The following BET1 variants were observed in gnomAD, a reference collection of about 807,000 sequenced individuals.
BET1 encodes the protein Bet1 golgi vesicular membrane trafficking protein.
In BET1, 9 loss-of-function variants were observed where a neutral mutation model predicts 13.9. That is an observed-to-expected ratio of 0.65 (90% CI 0.39 to 1.13). BET1 has a LOEUF of 1.13. Ranked by LOEUF, BET1 falls within the 50% of genes most tolerant of loss-of-function variation. The pLI, the probability that BET1 is intolerant of heterozygous loss-of-function variation, is 0.01. For synonymous variants in BET1, 39 were observed against 47.3 expected, an observed-to-expected ratio of 0.82 and a Z score of 0.72; for missense variants, 127 against 133.6, an observed-to-expected ratio of 0.95 and a Z score of 0.24.
chr7:93,972,856 T>C (rs1031787604), intron 5 of BET1, among the ~76,000 whole-genome samples: 2 of 151,456 alleles, frequency 1.3e-5, no homozygotes, highest in African/African-American at 4.9e-5. Context: ...TTTTTTTTTT[T>C]CTTCTATCAT....
chr7:93,985,227 C>CTA (rs1795503513), intron 4 of BET1, among the ~76,000 whole-genome samples: 1 of 152,136 alleles, frequency 6.6e-6, no homozygotes, highest in Non-Finnish European at 1.5e-5. Flanking sequence ...GGAAGACTTT[C>CTA]TATAAAGTTT....
chr7:93,967,338 T>C (rs1172893256), intron 6 of BET1, among the ~76,000 whole-genome samples: 1 of 151,796 alleles, frequency 6.6e-6, no homozygotes, highest in Non-Finnish European at 1.5e-5. Context: ...CACAGTTATT[T>C]ATAATAGTGG....
chr7:93,983,158 G>C (rs1459363633), intron 4 of BET1, among the ~76,000 whole-genome samples: 1 of 152,154 alleles, frequency 6.6e-6, no homozygotes, highest in Admixed American at 6.6e-5. Context: ...CCCATGGCTT[G>C]TTGATTATTT....
At position 93,993,269 on chromosome 7, in the gene BET1, T is replaced by A. The variant is rs945090050; in HGVS notation, c.*961A>T. ...ACACAGTCGACTAATATATTTTATT[T>A]AAAAATTTACTTTTGAAGCCTATAA... On this transcript the variant is annotated 3_prime_UTR_variant, in exon 4 of 4. Transcript: ENST00000222547. 1.1e-6 allele frequency: 1 copy of A among 945,354 alleles called. No individual in the cohort carries two copies. The highest frequency in any genetic ancestry group is 1.8e-5 in the African/African-American group (1 of 56,436). The allele number at this position is 945,354 out of a possible 1,614,324, so 58.6% of individuals were successfully genotyped here.
At chr7:94,003,176 TTC>T (rs1164867092) in intron 1 of BET1, among the ~76,000 whole-genome samples, 1 of 152,138 alleles carries the variant, frequency 6.6e-6, no homozygotes, top group Admixed American at 6.5e-5. Flanking sequence ...TCAAAATTAT[TTC>T]TTTTTTTTTT....
At chr7:93,973,389 C>G (rs13229259) in intron 5 of BET1, among the ~76,000 whole-genome samples, 23,098 of 151,910 alleles carry the variant, frequency 0.15, 2,222 homozygotes, top group Non-Finnish European at 0.21. Flanking sequence ...AGGCTCAAAA[C>G]TTCAGCTGTA....
chr7:93,995,484 C>G (rs138343586), intron 3 of BET1, among the ~76,000 whole-genome samples: 5 of 152,000 alleles, frequency 3.3e-5, no homozygotes, highest in African/African-American at 1.2e-4. Context: ...TCAGAATCAC[C>G]GGAGATGCTT....
At chr7:93,980,963 G>A (rs913334023) in intron 4 of BET1, among the ~76,000 whole-genome samples, 8 of 152,066 alleles carry the variant, frequency 5.3e-5, no homozygotes, top group Admixed American at 1.3e-4. Flanking sequence ...TGGGAAAGTC[G>A]CCATTTACGT....
At chr7:93,978,594 C>T (rs1309069534) in intron 4 of BET1, among the ~76,000 whole-genome samples, 1 of 152,092 alleles carries the variant, frequency 6.6e-6, no homozygotes, top group Admixed American at 6.6e-5. Flanking sequence ...TTTTCATATG[C>T]TTCCTTTTTC....
intron 4 of BET1, among the ~76,000 whole-genome samples, chr7:93,985,693 C>T (rs1270934549): frequency 6.6e-6 from 1 of 152,158 alleles, no homozygotes; most frequent in Non-Finnish European, 1.5e-5. Context: ...AACATCACCT[C>T]ATATACTTAA....
chr7:93,998,582 G>A (rs936610425), intron 2 of BET1, among the ~76,000 whole-genome samples: 4 of 151,976 alleles, frequency 2.6e-5, no homozygotes, highest in African/African-American at 7.2e-5. Context: ...ACCTGCAATC[G>A]CAGCTATTTG....
chr7:93,974,600 CT>C (rs1795308542), intron 5 of BET1, among the ~76,000 whole-genome samples: 1 of 151,926 alleles, frequency 6.6e-6, no homozygotes, highest in South Asian at 2.1e-4. Flanking sequence ...AAGTAAATAT[CT>C]GTGGTGCCAT....
intron 5 of BET1, among the ~76,000 whole-genome samples, chr7:93,973,422 C>T (rs1005165561): frequency 2.6e-5 from 4 of 151,928 alleles, no homozygotes; most frequent in African/African-American, 9.7e-5. Context: ...TTGGGATCCT[C>T]AGTTCCCCGA....
intron 4 of BET1, among the ~76,000 whole-genome samples, chr7:93,978,421 T>G (rs1323497675): frequency 2.6e-5 from 4 of 152,140 alleles, no homozygotes; most frequent in Non-Finnish European, 4.4e-5. Flanking sequence ...CTTGGAAAGA[T>G]CTCTCTGGTT....
intron 4 of BET1, among the ~76,000 whole-genome samples, chr7:93,985,853 T>G (rs1230455791): frequency 6.6e-6 from 1 of 152,072 alleles, no homozygotes; most frequent in African/African-American, 2.4e-5. Flanking sequence ...AACAACACCC[T>G]CCAAGCTGAT....
chr7:93,975,904 T>C, exon 5 of BET1: 2 of 1,128,448 alleles, frequency 1.8e-6, no homozygotes, highest in Non-Finnish European at 1.1e-6. Context: ...AAAAACTTAC[T>C]TCTTTCTTGG....
chr7:93,980,748 C>T (rs140937346), intron 4 of BET1, among the ~76,000 whole-genome samples: 2 of 152,122 alleles, frequency 1.3e-5, no homozygotes, highest in African/African-American at 4.8e-5. Context: ...CAACATAGTA[C>T]TGGAAGTCCT....
chr7:93,970,756 A>G (rs1414496056), intron 6 of BET1, among the ~76,000 whole-genome samples: 1 of 151,900 alleles, frequency 6.6e-6, no homozygotes, highest in Non-Finnish European at 1.5e-5. Flanking sequence ...AATATTACAT[A>G]GAATCTGGTT....
intron 3 of BET1, among the ~76,000 whole-genome samples, chr7:93,994,766 G>A (rs1052703614): frequency 6.6e-6 from 1 of 152,290 alleles, no homozygotes; most frequent in East Asian, 1.9e-4. Context: ...TGCTCTCCAA[G>A]GTCAAATGGT....
Sources: allele counts gnomAD v4.1 joint callset (sites outside exome capture counted in the v4.1 genomes callset), GRCh38; gene constraint gnomAD v4.1.1; transcripts MANE v1.5; gene names NCBI Gene and HGNC (gene_info 2026-07-23, HGNC 2026-07-21).